NOTCH3: variants seen among roughly 807,000 people sequenced by gnomAD.
NOTCH3 encodes the protein notch receptor 3.
In NOTCH3, 86 loss-of-function variants were observed where a neutral mutation model predicts 213.3. The observed-to-expected ratio is 0.40, with a 90% CI of 0.34 to 0.48. The LOEUF (loss-of-function observed/expected upper bound fraction) is 0.48. Among genes scored for constraint, NOTCH3 ranks in the 20% least tolerant of loss-of-function variants. NOTCH3 has a pLI of 0.57. For synonymous variants in NOTCH3, 1,354 were observed against 1,355.9 expected (o/e 1.00, Z 0.03); for missense variants, 2,783 against 3,272.6 (o/e 0.85, Z 3.65).
Position 15,185,362 on chromosome 19 carries a change from G to A in NOTCH3, c.2191C>T (p.Gln731Ter), listed in dbSNP as rs1204836307. 6.2e-7 allele frequency: 1 copy of A among 1,612,342 alleles called. No individual in the cohort carries two copies. Among genetic ancestry groups the A allele is most frequent in the Non-Finnish European group, 8.5e-7 (1 of 1,179,718 alleles). The change falls in exon 14 of 33, where the codon CAG becomes TAG. Residue 731 changes from glutamine (Q) to a stop codon, truncating the protein, a stop_gained. Transcript: ENST00000263388. LOFTEE classifies it high-confidence loss of function. The surrounding 1 kb of genome is among the most constrained non-coding windows in gnomAD (Gnocchi z 4.2). ...EPGWSGPRCSQSLARDACESQ... is the reference protein window; with the variant it reads ...EPGWSGPRCS The stretch of plus-strand genomic sequence containing the variant: ...TCACAGGCGTCTCGGGCCAGGCTCT[G>A]GCTGCAGCGGGGGCCACTCCAGCCA...
At position 15,185,593 on chromosome 19, in the gene NOTCH3, G is replaced by A. The variant is rs1250956327; in HGVS notation, c.2038C>T (p.Arg680Cys). ...GSCVDGENGF[R>C]CLCPPGSLPP... Reference sequence around the variant, plus strand: ...AAGGAGCCAGGCGGGCAGAGGCAGCGGAAGCCATTTTCCCCATCCACACAG... The same window carrying A: ...AAGGAGCCAGGCGGGCAGAGGCAGCAGAAGCCATTTTCCCCATCCACACAG... The change falls in exon 13 of 33, where the codon CGC (arginine) becomes TGC (cysteine). Residue 680 changes from arginine to cysteine, a missense_variant. Arg to Cys is a radical substitution (Grantham distance 180). Transcript: ENST00000263388. The surrounding 1 kb of genome is among the most constrained non-coding windows in gnomAD (Gnocchi z 4.2). The A allele has an allele frequency of 4.3e-6, 7 of 1,613,516 alleles. No homozygotes were observed. Among genetic ancestry groups the A allele is most frequent in the East Asian group, 2.2e-5 (1 of 44,896 alleles).
Position 15,192,503 on chromosome 19 carries a change from C to T in NOTCH3, c.214G>A (p.Val72Met), listed in dbSNP as rs2046938247. 3.1e-6 allele frequency: 5 copies of T among 1,592,860 alleles called. No homozygotes were observed. Among genetic ancestry groups the T allele is most frequent in the Non-Finnish European group, 4.3e-6 (5 of 1,170,552 alleles). ...EAACLCPPGW[V>M]GERCQLEDPC... ...TCCTCCAGCTGACACCGCTCACCCA[C>T]CCAGCCAGGCGGGCACCTGTGGGCA... The change falls in exon 3 of 33, where the codon GTG becomes ATG. Residue 72 changes from valine to methionine, a missense_variant. Val to Met is a conservative substitution (Grantham distance 21). This residue lies in a region of NOTCH3 where 708 missense variants were observed against 906.6 expected (regional missense o/e 0.78). Coordinates refer to ENST00000263388, the MANE Select transcript of NOTCH3 (RefSeq NM_000435.3).
At position 15,174,245 on chromosome 19, in the gene NOTCH3, G is replaced by GGCA; in HGVS notation, c.4556_4558dup (p.Leu1519dup). The GGCA allele has an allele frequency of 6.3e-7, 1 of 1,589,394 alleles. No homozygotes were observed. Among genetic ancestry groups the GGCA allele is most frequent in the Non-Finnish European group, 8.5e-7 (1 of 1,171,020 alleles). ...GCTGGAACGCAGTAGCTCCTCTGGC[G>GGCA]GCAGCAGCACTGTGAGCACCAGCAC... On this transcript the variant is annotated inframe_insertion, in exon 25 of 33. Coordinates refer to ENST00000263388, the MANE Select transcript of NOTCH3 (RefSeq NM_000435.3).
At position 15,185,397 on chromosome 19, in the gene NOTCH3, A is replaced by G. The variant is rs2046873031; in HGVS notation, c.2156T>C (p.Val719Ala). 1.2e-6 allele frequency: 2 copies of G among 1,611,974 alleles called. No individual in the cohort carries two copies. Among genetic ancestry groups the G allele is most frequent in the African/African-American group, 1.3e-5 (1 of 74,878 alleles). ...CYDAPGGFRC[V>A]CEPGWSGPRC... ...GGGGCCACTCCAGCCAGGCTCACAC[A>G]CACAGCGGAACCTGGCAGGGGAAGG... Residue 719 changes from valine to alanine, a missense_variant, in exon 14 of 33, where the codon GTG becomes GCG. Transcript: ENST00000263388. The surrounding 1 kb of genome is among the most constrained non-coding windows in gnomAD (Gnocchi z 4.2).
rs1160721332 is a variant in NOTCH3, at chr19:15,160,473, TATAA to T, written c.*185_*188del. ...AGGGTGGGTGGTAGCCCCCACCCAT[TATAA>T]ATAAAGGAAGACTGAAGCCCTGGGC... On this transcript the variant is annotated 3_prime_UTR_variant, in exon 33 of 33. Transcript: ENST00000263388. 1 of 630,968 alleles carries T rather than the reference TATAA, an allele frequency of 1.6e-6. No individual in the cohort carries two copies. The highest frequency in any genetic ancestry group is 2.8e-6 in the Non-Finnish European group (1 of 352,100). The allele number at this position is 630,968 out of a possible 1,614,324, so 39.1% of individuals were successfully genotyped here.
intron 32 of NOTCH3, 36 bp downstream of exon 32, chr19:15,162,429 C>T (rs886131574): frequency 2.0e-6 from 3 of 1,488,264 alleles, no homozygotes; most frequent in Admixed American, 1.7e-5. Context: ...CACTGTGCCA[C>T]TGCTGACACC....
At chr19:15,182,348 A>C (rs905531308) in intron 16 of NOTCH3, among the ~76,000 whole-genome samples, 1 of 152,096 alleles carries the variant, frequency 6.6e-6, no homozygotes, top group Admixed American at 6.6e-5. Flanking sequence ...TTCTATAAAA[A>C]ATACAAAAAT....
intron 12 of NOTCH3, 124 bp downstream of exon 12, chr19:15,186,754 A>G: frequency 1.2e-6 from 1 of 813,316 alleles, no homozygotes. Context: ...GCACAGACTC[A>G]GGGCAAAGCA....
chr19:15,172,506 C>T (rs532847903), intron 25 of NOTCH3, among the ~76,000 whole-genome samples: 198 of 151,984 alleles, frequency 1.3e-3, no homozygotes, highest in African/African-American at 4.6e-3. Flanking sequence ...CTACCCCTCC[C>T]CTTCCACCAC....
chr19:15,178,427 C>T (rs963857572), intron 23 of NOTCH3: 7 of 428,606 alleles, frequency 1.6e-5, no homozygotes, highest in Middle Eastern at 6.6e-4. Context: ...GTCACTCAGT[C>T]GCCAGGCTGG....
At position 15,188,237 on chromosome 19, in the gene NOTCH3, G is replaced by C. The variant is rs114207045; in HGVS notation, c.1490C>G (p.Ser497Trp). ...RVNGFSCTCP[S>W]GFSGSTCQLD... ...GCTCCCTCTCCTGAGGTCCTCACCC[G>C]AGGGGCAGGTGCAGCTGAAGCCATT... is the stretch of plus-strand genomic sequence containing the variant. Residue 497 changes from serine to tryptophan, a missense_variant and splice_region_variant, in exon 9 of 33, where the codon TCG becomes TGG. Ser to Trp is a radical substitution (Grantham distance 177, BLOSUM62 -3). This residue lies in a region of NOTCH3 where 708 missense variants were observed against 906.6 expected (regional missense o/e 0.78). Transcript: ENST00000263388. 1 of 1,593,202 alleles carries C rather than the reference G, an allele frequency of 6.3e-7. No individual in the cohort carries two copies. Among genetic ancestry groups the C allele is most frequent in the South Asian group, 1.1e-5 (1 of 88,072 alleles).
Position 15,170,808 on chromosome 19 carries a change from T to C in NOTCH3, c.4754A>G (p.Glu1585Gly), listed in dbSNP as rs773981660. Reference sequence around the variant, plus strand: ...CTGCAGGCAGAGCCGGTTGTCAATCTCCAGCATTACTACCGAGCTGCAGGG... The same window carrying C: ...CTGCAGGCAGAGCCGGTTGTCAATCCCCAGCATTACTACCGAGCTGCAGGG... ...PEVIGSVVML[E>G]IDNRLCLQSP... Residue 1585 changes from glutamate to glycine, a missense_variant, in exon 26 of 33, where the codon GAG becomes GGG. Coordinates refer to ENST00000263388, the MANE Select transcript of NOTCH3 (RefSeq NM_000435.3). The C allele has an allele frequency of 6.2e-7, 1 of 1,613,526 alleles. No individual in the cohort carries two copies.
chr19:15,188,428 T>TG, intron 8 of NOTCH3, 80 bp from the exon 9 acceptor site: 2 of 884,618 alleles, frequency 2.3e-6, no homozygotes, highest in Non-Finnish European at 3.7e-6. Context: ...GTACTTCCCT[T>TG]CCTACTCATC....
chr19:15,161,102 G>A lies in NOTCH3; in HGVS notation c.6526C>T (p.Pro2176Ser), dbSNP rs1281542816. The change falls in exon 33 of 33, where the codon CCC (proline) becomes TCC (serine). Residue 2176 changes from proline to serine, a missense_variant. Physicochemically the swap from Pro to Ser is moderately conservative, Grantham distance 74. Transcript: ENST00000263388. The part of the protein sequence containing the change: ...VAVPLDWARL[P>S]PPAPPGPSFL... ...GAGGGGCCTGGAGGGGCAGGTGGGG[G>A]CAGCCGGGCCCAATCGAGGGGCACA... The A allele has an allele frequency of 6.5e-7, 1 of 1,540,148 alleles. No homozygotes were observed. The highest frequency in any genetic ancestry group is 8.7e-7 in the Non-Finnish European group (1 of 1,148,926).
chr19:15,187,212 CGT>C lies in NOTCH3; in HGVS notation c.1731_1732del (p.Arg578LeufsTer44). ...GCATTCGTCCACCTGGCTCTCGCAGCGTGTGCCCGTGTAGCCAGGAGCACAGG... is the reference window on the plus strand; with the variant it reads ...GCATTCGTCCACCTGGCTCTCGCAGCGTGCCCGTGTAGCCAGGAGCACAGG... On this transcript the variant is annotated frameshift_variant, in exon 11 of 33. Coordinates refer to ENST00000263388, the MANE Select transcript of NOTCH3 (RefSeq NM_000435.3). LOFTEE classifies it high-confidence loss of function. 6.2e-7 allele frequency: 1 copy of C among 1,614,082 alleles called. No individual in the cohort carries two copies. The highest frequency in any genetic ancestry group is 2.2e-5 in the East Asian group (1 of 44,880).
Position 15,185,205 on chromosome 19 carries a change from T to A in NOTCH3, c.2296+52A>T. 6.3e-7 allele frequency: 1 copy of A among 1,597,490 alleles called. No individual in the cohort carries two copies. The highest frequency in any genetic ancestry group is 1.1e-5 in the South Asian group (1 of 90,744). ...AGGAGAGAGTAGAGGAGAAGAGAGA[T>A]GAGAAGGCCCATGGTGTTGGTGGGG... is the stretch of plus-strand genomic sequence containing the variant. On this transcript the variant is annotated intron_variant, in intron 14 of 32. Transcript: ENST00000263388. This position sits in a 1 kb window ranked among gnomAD's most constrained non-coding sequence, Gnocchi z 4.2.
At position 15,186,950 on chromosome 19, in the gene NOTCH3, T is replaced by C; in HGVS notation, c.1879A>G (p.Asn627Asp). ...CGGCAGACTCCAAAGGTGCAGGGGT[T>C]GCTGGCACAGTCGTCAATGTTCACT... ...CEVNIDDCAS[N>D]PCTFGVCRDG... The change falls in exon 12 of 33, where the codon AAC (asparagine) becomes GAC (aspartate). Residue 627 changes from asparagine (N) to aspartate (D), a missense_variant. Around this residue, in one of 6 missense-constraint regions of NOTCH3, gnomAD observed 708 missense variants for 906.6 expected, o/e 0.78. Coordinates refer to ENST00000263388, the MANE Select transcript of NOTCH3 (RefSeq NM_000435.3). 1 of 1,614,166 alleles carries C rather than the reference T, an allele frequency of 6.2e-7. No individual in the cohort carries two copies. The highest frequency in any genetic ancestry group is 8.5e-7 in the Non-Finnish European group (1 of 1,180,012).
At position 15,161,003 on chromosome 19, in the gene NOTCH3, G is replaced by A. The variant is rs1245935191; in HGVS notation, c.6625C>T (p.Pro2209Ser). The change falls in exon 33 of 33, where the codon CCG becomes TCG. Residue 2209 changes from proline (P) to serine (S), a missense_variant. Coordinates refer to ENST00000263388, the MANE Select transcript of NOTCH3 (RefSeq NM_000435.3). ...GTPVSPQERPPPYLAVPGHGE... is the reference protein window; with the variant it reads ...GTPVSPQERPSPYLAVPGHGE... ...TGTCCTGGGACTGCCAGGTAAGGCG[G>A]GGGCCGCTCCTGCGGGGAGACGGGG... is the stretch of plus-strand genomic sequence containing the variant. The A allele has an allele frequency of 6.5e-7, 1 of 1,548,530 alleles. No individual in the cohort carries two copies. The highest frequency in any genetic ancestry group is 8.7e-7 in the Non-Finnish European group (1 of 1,147,868).
chr19:15,192,050 G>C lies in NOTCH3; in HGVS notation c.589C>G (p.Pro197Ala). Residue 197 changes from proline to alanine, a missense_variant, in exon 4 of 33, where the codon CCC becomes GCC. This residue lies in a region of NOTCH3 where 708 missense variants were observed against 906.6 expected (regional missense o/e 0.78). Coordinates refer to ENST00000263388, the MANE Select transcript of NOTCH3 (RefSeq NM_000435.3). ...AGYTGPLCENPAVPCAPSPCR... is the reference protein window; with the variant it reads ...AGYTGPLCENAAVPCAPSPCR... The stretch of plus-strand genomic sequence containing the variant: ...GGTGAGGGTGCACAGGGCACCGCGG[G>C]GTTCTCACATAGTGGCCCTGTGTAG... 6 of 1,613,100 alleles carry C rather than the reference G, an allele frequency of 3.7e-6. No homozygotes were observed. The highest frequency in any genetic ancestry group is 1.1e-5 in the South Asian group (1 of 91,084).
Sources: gnomAD v4.1 joint callset for allele counts (sites outside exome capture counted in the v4.1 genomes callset) on GRCh38, gnomAD v4.1.1 for gene constraint, gnomAD v4.1.1 regional missense constraint, Gnocchi (gnomAD v3.1) non-coding constraint, MANE v1.5 for transcripts, NCBI Gene and HGNC (gene_info 2026-07-23, HGNC 2026-07-21) for gene names.